PPARD: variants seen among roughly 807,000 people sequenced by gnomAD.
The protein encoded by PPARD is peroxisome proliferator activated receptor delta.
In PPARD, 6 loss-of-function variants were observed where a neutral mutation model predicts 39.5. That is an observed-to-expected ratio of 0.15 (90% CI 0.08 to 0.30). The LOEUF is 0.30. PPARD is among the 10% of genes least tolerant of loss of function. PPARD has a pLI of 1.00. For synonymous variants in PPARD, 210 were observed against 231.3 expected, an observed-to-expected ratio of 0.91 and a Z score of 0.83; for missense variants, 397 against 596.8, an observed-to-expected ratio of 0.67 and a Z score of 3.49.
In PPARD at chr6:35,384,519, G is replaced by A. The variant is rs1205435264; in HGVS notation, c.-101-26468G>A. Among the ~76,000 whole-genome samples the A allele has an allele frequency of 7.3e-5, 8 of 108,990 alleles. No homozygotes were observed. In the South Asian group the frequency reaches 9.5e-4, roughly 13 times the overall value. 71.5% of individuals were successfully genotyped at this position (108,990 alleles called of 152,430 possible). ...AGCCCCCCGCCCGGCCAGCCGCCCCGTCCGGGAGGTGAGGGGCGCCTCTGC... is the reference window on the plus strand; with the variant it reads ...AGCCCCCCGCCCGGCCAGCCGCCCCATCCGGGAGGTGAGGGGCGCCTCTGC... On this transcript the variant is annotated intron_variant, in intron 2 of 7. Coordinates refer to ENST00000360694, the MANE Select transcript of PPARD (RefSeq NM_006238.5).
chr6:35,379,033 A>G (rs1352941613), intron 2 of PPARD, among the ~76,000 whole-genome samples: 1 of 152,078 alleles, frequency 6.6e-6, no homozygotes, highest in East Asian at 1.9e-4. Context: ...CTGGAATTTC[A>G]GGAATCAGCT....
chr6:35,409,665 A>G (rs964295420), intron 2 of PPARD, among the ~76,000 whole-genome samples: 2 of 152,208 alleles, frequency 1.3e-5, no homozygotes, highest in Non-Finnish European at 1.5e-5. Context: ...CCAGGTACTA[A>G]GACTAGTACC....
At chr6:35,408,819 TAC>T (rs955984703) in intron 2 of PPARD, among the ~76,000 whole-genome samples, 2 of 152,252 alleles carry the variant, frequency 1.3e-5, no homozygotes, top group African/African-American at 4.8e-5. Context: ...GCAGAGATTG[TAC>T]AGAGTCCCCA....
At chr6:35,409,734 G>A (rs1478512798) in intron 2 of PPARD, among the ~76,000 whole-genome samples, 2 of 152,066 alleles carry the variant, frequency 1.3e-5, no homozygotes, top group African/African-American at 4.8e-5. Context: ...AGTAGGCCCC[G>A]AGGTTATTGT....
chr6:35,396,456 G>A (rs1764321328), intron 2 of PPARD, among the ~76,000 whole-genome samples: 1 of 149,096 alleles, frequency 6.7e-6, no homozygotes, highest in Non-Finnish European at 1.5e-5. Context: ...CACACACCTC[G>A]GCCTCCCAAA....
chr6:35,420,217 G>C lies in PPARD; in HGVS notation c.221G>C (p.Cys74Ser), dbSNP rs760746154. ...TCATGCGGCAGCCTCAACATGGAGTGCCGGGTGTGCGGGGACAAGGCATCG... is the reference window on the plus strand; with the variant it reads ...TCATGCGGCAGCCTCAACATGGAGTCCCGGGTGTGCGGGGACAAGGCATCG... ...GASCGSLNME[C>S]RVCGDKASGF... The change falls in exon 4 of 8, where the codon TGC becomes TCC. Residue 74 changes from cysteine to serine, a missense_variant. Cys to Ser is a moderately radical substitution (Grantham distance 112, BLOSUM62 -1). Coordinates refer to ENST00000360694, the MANE Select transcript of PPARD (RefSeq NM_006238.5). 2.5e-6 allele frequency: 4 copies of C among 1,610,904 alleles called. No individual in the cohort carries two copies. The Admixed American group carries it at 6.7e-5, about 27-fold the overall frequency.
chr6:35,418,641 GC>G (rs1166168218), intron 3 of PPARD, among the ~76,000 whole-genome samples: 3 of 152,220 alleles, frequency 2.0e-5, no homozygotes, highest in Non-Finnish European at 2.9e-5. Flanking sequence ...CCAGAGCACA[GC>G]TTTTCCCTCC....
intron 2 of PPARD, among the ~76,000 whole-genome samples, chr6:35,402,941 T>G (rs1187302760): frequency 6.6e-6 from 1 of 152,190 alleles, no homozygotes; most frequent in South Asian, 2.1e-4. Flanking sequence ...AACCTCTGTC[T>G]TGTATCCAGA....
chr6:35,426,279 T>C lies in PPARD; in HGVS notation c.*200T>C. ...CTTCCTCCAGCCAGCTCTCTTCCTGTCTTTGTTGTCTCCCTCTTTCTCAGT... is the reference window on the plus strand; with the variant it reads ...CTTCCTCCAGCCAGCTCTCTTCCTGCCTTTGTTGTCTCCCTCTTTCTCAGT... On this transcript the variant is annotated 3_prime_UTR_variant, in exon 8 of 8. Coordinates refer to ENST00000360694, the MANE Select transcript of PPARD (RefSeq NM_006238.5). The C allele has an allele frequency of 1.6e-6, 1 of 636,194 alleles. No individual in the cohort carries two copies. Among genetic ancestry groups the C allele is most frequent in the Non-Finnish European group, 2.7e-6 (1 of 373,020 alleles). The allele number at this position is 636,194 out of a possible 1,614,324, so 39.4% of individuals were successfully genotyped here.
At chr6:35,389,558 C>A (rs545840697) in intron 2 of PPARD, among the ~76,000 whole-genome samples, 5 of 152,002 alleles carry the variant, frequency 3.3e-5, no homozygotes, top group Non-Finnish European at 7.4e-5. Flanking sequence ...GGTGATCCGC[C>A]CGCCTCGGCC....
chr6:35,378,154 G>T (rs373241857), intron 2 of PPARD, among the ~76,000 whole-genome samples: 1 of 152,074 alleles, frequency 6.6e-6, no homozygotes, highest in Non-Finnish European at 1.5e-5. Context: ...GAGCTACTGC[G>T]CCTGGCCACG....
At position 35,411,174 on chromosome 6, in the gene PPARD, C is replaced by CA; in HGVS notation, c.89dup (p.Asn30LysfsTer34). 6.4e-7 allele frequency: 1 copy of CA among 1,571,930 alleles called. No homozygotes were observed. Among genetic ancestry groups the CA allele is most frequent in the East Asian group, 2.4e-5 (1 of 41,400 alleles). On this transcript the variant is annotated frameshift_variant, in exon 3 of 8. Coordinates refer to ENST00000360694, the MANE Select transcript of PPARD (RefSeq NM_006238.5). LOFTEE classifies it high-confidence loss of function. ...CAGAGGCAGAAGGAGCCCCAGAGCT[C>CA]AATGGGGGACCACAGCATGCACTTC...
At position 35,428,145 on chromosome 6, in the gene PPARD, C is replaced by A. The variant is rs199853067; in HGVS notation, c.*2066C>A. Reference sequence around the variant, plus strand: ...AATATAAATAGTGTACACAGACTGACGAAACTTTAAATAAATGGGAATTAA... The same window carrying A: ...AATATAAATAGTGTACACAGACTGAAGAAACTTTAAATAAATGGGAATTAA... On this transcript the variant is annotated 3_prime_UTR_variant, in exon 8 of 8. Coordinates refer to ENST00000360694, the MANE Select transcript of PPARD (RefSeq NM_006238.5). 1 of 152,596 alleles carries A rather than the reference C, an allele frequency of 6.6e-6. No homozygotes were observed. The highest frequency in any genetic ancestry group is 1.5e-5 in the Non-Finnish European group (1 of 68,046). The allele number at this position is 152,596 out of a possible 1,614,324, so 9.5% of individuals were successfully genotyped here.
At chr6:35,349,507 T>A (rs1009514211) in intron 2 of PPARD, among the ~76,000 whole-genome samples, 1 of 152,148 alleles carries the variant, frequency 6.6e-6, no homozygotes, top group African/African-American at 2.4e-5. Context: ...CATGTTTTAA[T>A]AAAGTTTACG....
intron 2 of PPARD, among the ~76,000 whole-genome samples, chr6:35,381,313 G>A (rs1286650526): frequency 3.3e-5 from 5 of 152,146 alleles, no homozygotes; most frequent in Non-Finnish European, 5.9e-5. Flanking sequence ...GATTGGCCTT[G>A]TAAACTGTAG....
At chr6:35,387,224 C>T (rs961648149) in intron 2 of PPARD, among the ~76,000 whole-genome samples, 2 of 151,908 alleles carry the variant, frequency 1.3e-5, no homozygotes, top group Non-Finnish European at 2.9e-5. Flanking sequence ...AGGATGTTTT[C>T]TTCTCTCTGC....
chr6:35,350,612 CTTTTTTTTTTT>C (rs959545502), intron 2 of PPARD, among the ~76,000 whole-genome samples: 1 of 104,592 alleles, frequency 9.6e-6, no homozygotes, highest in Admixed American at 9.7e-5. Flanking sequence ...GTCTATGTGT[CTTTTTTTTTTT>C]TTTTTTTTTT....
At chr6:35,409,904 G>A (rs905756241) in intron 2 of PPARD, among the ~76,000 whole-genome samples, 1 of 152,226 alleles carries the variant, frequency 6.6e-6, no homozygotes, top group African/African-American at 2.4e-5. Flanking sequence ...CTCTGGGGAT[G>A]GGACCAGGCA....
At chr6:35,402,890 C>CGGGA (rs1562209631) in intron 2 of PPARD, among the ~76,000 whole-genome samples, 7 of 152,304 alleles carry the variant, frequency 4.6e-5, no homozygotes, top group Non-Finnish European at 1.0e-4. Flanking sequence ...CATGACATCC[C>CGGGA]TCACTTCTGA....
Sources: gnomAD v4.1 joint callset for allele counts (sites outside exome capture counted in the v4.1 genomes callset) on GRCh38, gnomAD v4.1.1 for gene constraint, MANE v1.5 for transcripts, NCBI Gene and HGNC (gene_info 2026-07-23, HGNC 2026-07-21) for gene names.